TUT7: variants seen among roughly 807,000 people sequenced by gnomAD.
The protein encoded by TUT7 is terminal uridylyl transferase 7, also known as terminal uridylyltransferase 7.
Under a neutral mutation model 165.9 loss-of-function variants are expected in TUT7, and 33 were observed. That is an observed-to-expected ratio of 0.20 (90% CI 0.15 to 0.27). The LOEUF is 0.27. Ranked by LOEUF, TUT7 falls within the 10% of genes least tolerant of loss-of-function variation. The pLI is 1.00. For missense variants in TUT7, 1,338 were observed against 1,762.3 expected, an observed-to-expected ratio of 0.76 and a Z score of 4.31; for synonymous variants, 552 against 608.1, an observed-to-expected ratio of 0.91 and a Z score of 1.36.
chr9:86,319,627 A>G lies in TUT7; in HGVS notation c.3072T>C (p.His1024=). 8 of 1,609,620 alleles carry G rather than the reference A, an allele frequency of 5.0e-6. No individual in the cohort carries two copies. Among genetic ancestry groups the G allele is most frequent in the South Asian group, 1.1e-5 (1 of 89,586 alleles). Residue 1024 remains histidine, a synonymous_variant, in exon 15 of 27, where the codon CAT becomes CAC. Coordinates refer to ENST00000375963, the MANE Select transcript of TUT7 (RefSeq NM_024617.4). ...TGAAACTTTCTAGGTTTTGCCGAATATGTTCACGAGCCTGATCTTCTATAA... is the reference window on the plus strand; with the variant it reads ...TGAAACTTTCTAGGTTTTGCCGAATGTGTTCACGAGCCTGATCTTCTATAA... The part of the protein sequence containing the change: ...PTIIEDQARE[H]IRQNLESFIR...
intron 26 of TUT7, among the ~76,000 whole-genome samples, chr9:86,295,992 T>TA (rs1826283859): frequency 6.6e-6 from 1 of 152,216 alleles, no homozygotes; most frequent in Admixed American, 6.5e-5. Context: ...AACTTAAGCA[T>TA]AAAAATCAGT....
chr9:86,304,821 T>TA (rs752381496), intron 24 of TUT7, 35 bp downstream of exon 24: 1 of 1,454,596 alleles, frequency 6.9e-7, no homozygotes, highest in Non-Finnish European at 9.4e-7. Flanking sequence ...CACTTTTTTT[T>TA]ATTTTTTATT....
intron 26 of TUT7, among the ~76,000 whole-genome samples, chr9:86,291,910 C>T (rs1034829654): frequency 6.6e-6 from 1 of 152,256 alleles, no homozygotes; most frequent in Non-Finnish European, 1.5e-5. Context: ...CACTATAGCA[C>T]TGTTAATAAC....
At chr9:86,298,749 T>C in intron 26 of TUT7, 1 of 980,822 alleles carries the variant, frequency 1.0e-6, no homozygotes, top group South Asian at 4.7e-5. Flanking sequence ...ACATTTGTTT[T>C]TTTTAAAACC....
intron 2 of TUT7, among the ~76,000 whole-genome samples, chr9:86,347,277 G>A (rs1343648562): frequency 2.6e-5 from 4 of 152,124 alleles, no homozygotes; most frequent in Admixed American, 6.6e-5. Flanking sequence ...TCCTTATAAT[G>A]AATAAAAATC....
chr9:86,342,268 G>C (rs1440472206), intron 6 of TUT7, among the ~76,000 whole-genome samples: 1 of 152,134 alleles, frequency 6.6e-6, no homozygotes, highest in Non-Finnish European at 1.5e-5. Flanking sequence ...TGGGATTAGA[G>C]GGTGAAGCCA....
At chr9:86,353,290 C>A (rs1206584862) in intron 1 of TUT7, 60 bp from the exon 2 acceptor site, 19 of 1,352,814 alleles carry the variant, frequency 1.4e-5, no homozygotes, top group Non-Finnish European at 1.6e-5. Flanking sequence ...TACAAGTATA[C>A]AAAATAACAA....
At chr9:86,322,183 G>A in intron 14 of TUT7, 142 bp downstream of exon 14, 1 of 674,182 alleles carries the variant, frequency 1.5e-6, no homozygotes, top group Non-Finnish European at 2.4e-6. Context: ...ACATGACATG[G>A]AACGCTTGAG....
At chr9:86,337,608 A>T in intron 9 of TUT7, 70 bp from the exon 10 acceptor site, 1 of 1,533,550 alleles carries the variant, frequency 6.5e-7, no homozygotes, top group Non-Finnish European at 8.8e-7. Context: ...ATTTGGCCTA[A>T]AACCTGTAAC....
chr9:86,322,092 T>A (rs187056261), intron 14 of TUT7, among the ~76,000 whole-genome samples: 2,008 of 151,564 alleles, frequency 0.013, 40 homozygotes, highest in African/African-American at 0.039. Flanking sequence ...TAAAAAAAAA[T>A]TTTTTTTTAA....
chr9:86,345,208 C>A, intron 4 of TUT7, 54 bp from the exon 5 acceptor site: 1 of 1,532,356 alleles, frequency 6.5e-7, no homozygotes, highest in Non-Finnish European at 8.8e-7. Flanking sequence ...TTTTGACCTT[C>A]TACCACTCAT....
At chr9:86,345,241 T>C in intron 4 of TUT7, 87 bp from the exon 5 acceptor site, 1 of 1,309,650 alleles carries the variant, frequency 7.6e-7, no homozygotes, top group Non-Finnish European at 1.0e-6. Context: ...CTATAGAGTT[T>C]TCTTTTTCTT....
chr9:86,350,461 T>G (rs1420229677), intron 2 of TUT7, among the ~76,000 whole-genome samples: 1 of 152,244 alleles, frequency 6.6e-6, no homozygotes, highest in Non-Finnish European at 1.5e-5. Flanking sequence ...TACACAATTT[T>G]TAATAAAGAA....
rs556242491 is a variant in TUT7 at position 86,288,035 on chromosome 9, T to C, written c.*642A>G. 1 of 152,262 alleles carries C rather than the reference T, an allele frequency of 6.6e-6. No individual in the cohort carries two copies. Among genetic ancestry groups the C allele is most frequent in the Non-Finnish European group, 1.5e-5 (1 of 68,048 alleles). 9.4% of individuals were successfully genotyped at this position (152,262 alleles called of 1,614,324 possible). On this transcript the variant is annotated 3_prime_UTR_variant, in exon 27 of 27. Transcript: ENST00000375963. ...AGGACTACTTGTTTTCCTTACTTCA[T>C]TTTTATAAGCATAGTAGTTATATGT...
chr9:86,310,871 T>G, intron 17 of TUT7, 62 bp from the exon 18 acceptor site: 1 of 939,516 alleles, frequency 1.1e-6, no homozygotes, highest in Non-Finnish European at 1.7e-6. Context: ...GTAACTCTTA[T>G]GTTAATGTTC....
intron 17 of TUT7, among the ~76,000 whole-genome samples, chr9:86,316,626 C>G (rs1828745245): frequency 6.6e-6 from 1 of 152,218 alleles, no homozygotes; most frequent in South Asian, 2.1e-4. Flanking sequence ...TCTTGCCTGT[C>G]TGGCGTAGGC....
intron 9 of TUT7, 56 bp from the exon 10 acceptor site, chr9:86,337,594 C>A: frequency 6.4e-7 from 1 of 1,562,404 alleles, no homozygotes; most frequent in Non-Finnish European, 8.6e-7. Context: ...TTGTCATTTA[C>A]ACGATTTGGC....
chr9:86,334,617 T>C (rs79657181), intron 10 of TUT7, among the ~76,000 whole-genome samples: 2,964 of 152,276 alleles, frequency 0.019, 110 homozygotes, highest in African/African-American at 0.067. Context: ...ATTTTCCGTT[T>C]GTTCAGTTTT....
chr9:86,342,180 TGA>T (rs1831383153), intron 6 of TUT7, among the ~76,000 whole-genome samples: 1 of 152,086 alleles, frequency 6.6e-6, no homozygotes, highest in South Asian at 2.1e-4. Flanking sequence ...GGATTTTTTT[TGA>T]GAGAGGTGGG....
Sources: allele counts gnomAD v4.1 joint callset (sites outside exome capture counted in the v4.1 genomes callset), GRCh38; gene constraint gnomAD v4.1.1; transcripts MANE v1.5; gene names NCBI Gene and HGNC (gene_info 2026-07-23, HGNC 2026-07-21).